TBC1D30: variants seen among roughly 807,000 people sequenced by gnomAD.
TBC1D30 encodes the protein TBC1 domain family, member 30.
In TBC1D30, 31 loss-of-function variants were observed where a neutral mutation model predicts 63.2. The ratio of observed to expected loss-of-function variants is 0.49; its 90% CI spans 0.37 to 0.66. TBC1D30 has a LOEUF of 0.66. Among genes scored for constraint, TBC1D30 ranks in the 30% least tolerant of loss-of-function variants. The probability of loss-of-function intolerance (pLI) is 0.00; values close to 1 mark genes in which losing one functional copy is unlikely to be tolerated. For synonymous variants in TBC1D30, 307 were observed against 361.5 expected (o/e 0.85, Z 1.71); for missense variants, 810 against 953.6 (o/e 0.85, Z 1.98).
upstream of TBC1D30, chr12:64,779,069 A>G (rs1160019408): frequency 6.6e-6 from 1 of 152,172 alleles, no homozygotes; most frequent in East Asian, 1.9e-4. Context: ...TTTTCCCTTC[A>G]GCTCACTTTG....
chr12:64,799,864 TG>T (rs1207663175), intron 2 of TBC1D30, among the ~76,000 whole-genome samples: 1 of 152,186 alleles, frequency 6.6e-6, no homozygotes, highest in Non-Finnish European at 1.5e-5. Flanking sequence ...CCCAGCACTT[TG>T]GGAGGCTGAG....
chr12:64,760,619 C>G (rs1870467613), intron 1 of TBC1D30, among the ~76,000 whole-genome samples: 1 of 151,908 alleles, frequency 6.6e-6, no homozygotes. Flanking sequence ...AGTCACATCC[C>G]CAGACCGATA....
At chr12:64,865,386 TA>T (rs1324002268) in intron 9 of TBC1D30, among the ~76,000 whole-genome samples, 1 of 151,444 alleles carries the variant, frequency 6.6e-6, no homozygotes, top group African/African-American at 2.4e-5. Flanking sequence ...ACTCAAAATT[TA>T]AAAAAAGGGA....
chr12:64,825,239 AC>A (rs944699971), intron 1 of TBC1D30: 53 of 560,028 alleles, frequency 9.5e-5, no homozygotes, highest in African/African-American at 9.4e-4. Context: ...GGCAGCGGCC[AC>A]CCCAGGCGCG....
chr12:64,772,237 CAAAAAAAAAAAA>C (rs747871090), intron 1 of TBC1D30, among the ~76,000 whole-genome samples: 1 of 49,318 alleles, frequency 2.0e-5, no homozygotes, highest in South Asian at 7.4e-4. Flanking sequence ...AACTCTGTCT[CAAAAAAAAAAAA>C]AAAAAAAAAG....
intron 2 of TBC1D30, among the ~76,000 whole-genome samples, chr12:64,814,909 G>A (rs926038153): frequency 2.6e-5 from 4 of 152,150 alleles, no homozygotes; most frequent in Non-Finnish European, 5.9e-5. Context: ...TATTTATGAT[G>A]GTAAAGATAA....
intron 7 of TBC1D30, among the ~76,000 whole-genome samples, chr12:64,842,954 G>A (rs1013056049): frequency 6.6e-6 from 1 of 152,170 alleles, no homozygotes; most frequent in Non-Finnish European, 1.5e-5. Flanking sequence ...ACAAATATCA[G>A]GATTTTGATA....
At chr12:64,802,960 T>G (rs984641818) in intron 2 of TBC1D30, among the ~76,000 whole-genome samples, 1 of 152,218 alleles carries the variant, frequency 6.6e-6, no homozygotes, top group Non-Finnish European at 1.5e-5. Context: ...TAAACATACG[T>G]GTGCATGTGT....
At chr12:64,838,533 G>A in intron 6 of TBC1D30, 150 bp from the exon 7 acceptor site, 1 of 802,084 alleles carries the variant, frequency 1.2e-6, no homozygotes, top group Non-Finnish European at 1.9e-6. Flanking sequence ...AAACATGGCA[G>A]AAAAAAGAAA....
At chr12:64,795,371 A>AC (rs1348122614) in intron 2 of TBC1D30, among the ~76,000 whole-genome samples, 5 of 152,146 alleles carry the variant, frequency 3.3e-5, no homozygotes, top group African/African-American at 1.2e-4. Context: ...TAAGGTACTC[A>AC]CCCTCAGCTG....
chr12:64,762,425 G>A (rs1870549554), intron 1 of TBC1D30, among the ~76,000 whole-genome samples: 1 of 152,208 alleles, frequency 6.6e-6, no homozygotes, highest in Admixed American at 6.5e-5. Flanking sequence ...GCATGGGTGA[G>A]GGTAGACCAA....
rs1879073835 is a variant in TBC1D30, at chr12:64,876,310, A to G, written c.*522A>G. 1 of 156,546 alleles carries G rather than the reference A, an allele frequency of 6.4e-6. No individual in the cohort carries two copies. Among genetic ancestry groups the G allele is most frequent in the South Asian group, 2.0e-4 (1 of 5,070 alleles). The allele number at this position is 156,546 out of a possible 1,614,324, so 9.7% of individuals were successfully genotyped here. A position where few individuals can be genotyped will look rare whatever the true frequency, so the allele number is the denominator to read the frequency against. The stretch of plus-strand genomic sequence containing the variant: ...GATTGTGTCGTGTGAGATTTCCCAC[A>G]GTACCAGTTTCAAATTTTTTTTTTA... On this transcript the variant is annotated 3_prime_UTR_variant, in exon 12 of 12. Transcript: ENST00000539867.
Position 64,875,833 on chromosome 12 carries a change from T to C in TBC1D30, c.*45T>C. ...ATCTGGACTCACCTTTTCACAGTAG[T>C]ATAAGGGTTGCAGCTGAATGGCTCT... On this transcript the variant is annotated 3_prime_UTR_variant, in exon 12 of 12. Transcript: ENST00000539867. The C allele has an allele frequency of 6.8e-7, 1 of 1,468,816 alleles. No homozygotes were observed. Among genetic ancestry groups the C allele is most frequent in the Non-Finnish European group, 9.0e-7 (1 of 1,114,008 alleles). 91.0% of individuals were successfully genotyped at this position (1,468,816 alleles called of 1,614,324 possible).
intron 8 of TBC1D30, among the ~76,000 whole-genome samples, chr12:64,849,105 C>T (rs1182047565): frequency 6.6e-6 from 1 of 152,130 alleles, no homozygotes; most frequent in Non-Finnish European, 1.5e-5. Flanking sequence ...ATCCTTTGCC[C>T]ACTTTTTGAT....
chr12:64,760,391 C>G lies in TBC1D30; in HGVS notation c.-376+742C>G, dbSNP rs1468935167. Among the ~76,000 whole-genome samples the G allele has an allele frequency of 2.6e-5, 4 of 152,140 alleles. No individual in the cohort carries two copies. The East Asian group carries it at 7.7e-4, about 29-fold the overall frequency. ...CCAGCCTGGCCAACGTGGGGAAACC[C>G]CGTCTCTACTAAAATACAAAAATTA... On this transcript the variant is annotated intron_variant, in intron 1 of 13. Coordinates refer to the TBC1D30 transcript ENST00000674237.
intron 2 of TBC1D30, among the ~76,000 whole-genome samples, chr12:64,815,164 T>C (rs1252508939): frequency 6.6e-6 from 1 of 152,232 alleles, no homozygotes; most frequent in African/African-American, 2.4e-5. Context: ...GGAAAACATT[T>C]GATAATTCTG....
intron 8 of TBC1D30, among the ~76,000 whole-genome samples, chr12:64,851,008 T>C (rs1408610916): frequency 2.6e-5 from 4 of 152,196 alleles, no homozygotes; most frequent in Non-Finnish European, 4.4e-5. Context: ...GGAGGGTGTA[T>C]GTGTCCTGGA....
At chr12:64,838,051 C>G (rs1401123894) in intron 6 of TBC1D30, among the ~76,000 whole-genome samples, 1 of 152,102 alleles carries the variant, frequency 6.6e-6, no homozygotes, top group Non-Finnish European at 1.5e-5. Context: ...AAAATATATA[C>G]TGATCACATA....
At chr12:64,824,540 TGCGCACG>T, upstream of TBC1D30, 1 of 237,636 alleles carries the variant, frequency 4.2e-6, no homozygotes. Flanking sequence ...CGGCCCCGCC[TGCGCACG>T]GCGGTGCCGG....
Sources: allele counts gnomAD v4.1 joint callset (sites outside exome capture counted in the v4.1 genomes callset), GRCh38; gene constraint gnomAD v4.1.1; transcripts MANE v1.5; gene names NCBI Gene and HGNC (gene_info 2026-07-23, HGNC 2026-07-21).